MARK3: variants seen among roughly 807,000 people sequenced by gnomAD.
MARK3 encodes MAP/microtubule affinity-regulating kinase 3.
In MARK3, 46 loss-of-function variants were observed where a neutral mutation model predicts 90.1. The observed-to-expected ratio is 0.51, with a 90% CI of 0.40 to 0.65. The LOEUF (loss-of-function observed/expected upper bound fraction) is 0.65, where lower values mean the gene tolerates loss of function less well. Ranked by LOEUF, MARK3 falls within the 30% of genes least tolerant of loss-of-function variation. MARK3 has a pLI of 0.00. For synonymous variants in MARK3, 321 were observed against 332.6 expected (o/e 0.97, Z 0.38); for missense variants, 818 against 947.2 (o/e 0.86, Z 1.79).
intron 14 of MARK3, among the ~76,000 whole-genome samples, chr14:103,487,964 C>T (rs948556141): frequency 6.6e-6 from 1 of 151,748 alleles, no homozygotes; most frequent in Admixed American, 6.6e-5. Context: ...AGGAGAATGG[C>T]GTGAACCCAG....
At chr14:103,455,264 G>A (rs2093249776) in intron 5 of MARK3, among the ~76,000 whole-genome samples, 1 of 152,062 alleles carries the variant, frequency 6.6e-6, no homozygotes, top group Admixed American at 6.6e-5. Context: ...CTCATGTTTA[G>A]TTGTTTTTGC....
intron 1 of MARK3, among the ~76,000 whole-genome samples, chr14:103,400,654 T>C (rs1408502747): frequency 6.6e-6 from 1 of 152,050 alleles, no homozygotes; most frequent in Non-Finnish European, 1.5e-5. Flanking sequence ...ATCAGCACTT[T>C]GGGAGAATAA....
chr14:103,417,562 T>C (rs142123952), intron 2 of MARK3: 2 of 152,298 alleles, frequency 1.3e-5, no homozygotes, highest in African/African-American at 4.8e-5. Flanking sequence ...CTTCATTCAT[T>C]GTTCTTGGTG....
intron 12 of MARK3, among the ~76,000 whole-genome samples, chr14:103,472,070 G>T (rs1013613109): frequency 2.0e-5 from 3 of 151,596 alleles, no homozygotes; most frequent in African/African-American, 7.3e-5. Context: ...AATTAGCCAG[G>T]CGTGGTGGTG....
At chr14:103,447,694 A>G (rs1048785194) in intron 3 of MARK3, among the ~76,000 whole-genome samples, 1 of 152,310 alleles carries the variant, frequency 6.6e-6, no homozygotes, top group African/African-American at 2.4e-5. Context: ...TGAATTCACA[A>G]CATGTATTTA....
At chr14:103,484,540 A>T (rs1448988390) in intron 14 of MARK3, among the ~76,000 whole-genome samples, 1 of 152,246 alleles carries the variant, frequency 6.6e-6, no homozygotes, top group African/African-American at 2.4e-5. Flanking sequence ...GAAGTGGCTT[A>T]TTATTTTATC....
chr14:103,477,089 C>T (rs2093727347), intron 13 of MARK3, among the ~76,000 whole-genome samples: 1 of 152,192 alleles, frequency 6.6e-6, no homozygotes, highest in Non-Finnish European at 1.5e-5. Context: ...AGGTAGTTAG[C>T]AACATTATTA....
intron 1 of MARK3, among the ~76,000 whole-genome samples, chr14:103,391,647 C>T (rs1595423352): frequency 1.4e-5 from 2 of 148,116 alleles, no homozygotes; most frequent in Admixed American, 1.4e-4. Context: ...CGGGTTCAAG[C>T]GATTGTCGTG....
At chr14:103,393,901 T>G (rs900273854) in intron 1 of MARK3, among the ~76,000 whole-genome samples, 3 of 152,038 alleles carry the variant, frequency 2.0e-5, no homozygotes, top group Non-Finnish European at 2.9e-5. Flanking sequence ...CCCAGCTAAT[T>G]TTTTGTATTT....
chr14:103,498,603 C>T (rs933318548), intron 16 of MARK3, 75 bp downstream of exon 16: 21 of 1,262,084 alleles, frequency 1.7e-5, no homozygotes, highest in African/African-American at 3.1e-5. Context: ...TTAGGTTTGG[C>T]TTTCTGGCCC....
intron 2 of MARK3, among the ~76,000 whole-genome samples, chr14:103,416,783 G>T (rs992725272): frequency 1.3e-5 from 2 of 151,984 alleles, no homozygotes; most frequent in African/African-American, 4.8e-5. Flanking sequence ...AAAAAATAAA[G>T]AAAGAAAATA....
intron 14 of MARK3, among the ~76,000 whole-genome samples, chr14:103,484,165 T>C (rs7144957): frequency 0.014 from 2,039 of 150,410 alleles, 44 homozygotes; most frequent in African/African-American, 0.047. Context: ...AATCTTTTCT[T>C]TTTTTTTTTT....
chr14:103,469,286 GT>G (rs1257907370), intron 12 of MARK3: 1 of 151,116 alleles, frequency 6.6e-6, no homozygotes, highest in African/African-American at 2.4e-5. Flanking sequence ...GGTCCCAGCA[GT>G]TCTCCTGCCT....
intron 3 of MARK3, among the ~76,000 whole-genome samples, chr14:103,438,425 A>G (rs900196715): frequency 2.6e-5 from 4 of 152,234 alleles, no homozygotes; most frequent in Non-Finnish European, 5.9e-5. Context: ...AATTTATAAC[A>G]TCAAATAGCT....
intron 14 of MARK3, among the ~76,000 whole-genome samples, chr14:103,485,223 C>T (rs9671880): frequency 1 from 131,600 of 131,950 alleles, 65,625 homozygotes; most frequent in East Asian, 1. Context: ...AGAGCAAAAC[C>T]CCATCTCAAA....
chr14:103,487,538 C>T (rs1486282946), intron 14 of MARK3, among the ~76,000 whole-genome samples: 1 of 151,958 alleles, frequency 6.6e-6, no homozygotes, highest in Non-Finnish European at 1.5e-5. Context: ...CCTTTTCCTT[C>T]TCCAAAGACT....
intron 3 of MARK3, among the ~76,000 whole-genome samples, chr14:103,436,299 A>G (rs1410459404): frequency 6.6e-6 from 1 of 152,098 alleles, no homozygotes; most frequent in Non-Finnish European, 1.5e-5. Context: ...AACTCTTCCT[A>G]GGAATGCCTT....
chr14:103,404,210 T>C (rs1317519976), intron 1 of MARK3, among the ~76,000 whole-genome samples: 1 of 152,150 alleles, frequency 6.6e-6, no homozygotes, highest in Non-Finnish European at 1.5e-5. Context: ...GATTTATAGG[T>C]ATATAGAGAA....
chr14:103,414,156 C>G (rs1292631896), intron 2 of MARK3, among the ~76,000 whole-genome samples: 1 of 151,120 alleles, frequency 6.6e-6, no homozygotes, highest in Non-Finnish European at 1.5e-5. Flanking sequence ...AGCCTCTGGT[C>G]TGGTCTGTGA....
Sources: gnomAD v4.1 joint callset for allele counts (sites outside exome capture counted in the v4.1 genomes callset) on GRCh38, gnomAD v4.1.1 for gene constraint, MANE v1.5 for transcripts, NCBI Gene and HGNC (gene_info 2026-07-23, HGNC 2026-07-21) for gene names.